Variants in MAP3K5 observed in about 807,000 individuals in gnomAD.
MAP3K5 encodes the protein ASK-1.
MAP3K5 carries 56 observed loss-of-function variants against 158.7 expected under a neutral mutation model. The ratio of observed to expected loss-of-function variants is 0.35; its 90% confidence interval spans 0.28 to 0.44. The LOEUF (loss-of-function observed/expected upper bound fraction) is 0.44. Ranked by LOEUF, MAP3K5 falls within the 20% of genes least tolerant of loss-of-function variation. MAP3K5 has a pLI of 1.00. For missense variants in MAP3K5, 1,294 were observed against 1,674.8 expected (o/e 0.77, Z 3.97); for synonymous variants, 579 against 601.7 (o/e 0.96, Z 0.55).
At chr6:136,561,706 T>C (rs1830522056) in intron 27 of MAP3K5, 61 bp from the exon 28 acceptor site, 1 of 906,632 alleles carries the variant, frequency 1.1e-6, no homozygotes, top group Admixed American at 1.8e-5. Flanking sequence ...TCTGAGACCC[T>C]CACAATCAAC....
chr6:136,719,573 A>C (rs945612353), intron 2 of MAP3K5, among the ~76,000 whole-genome samples: 1 of 152,248 alleles, frequency 6.6e-6, no homozygotes, highest in Non-Finnish European at 1.5e-5. Context: ...ACATGCTTTA[A>C]ATACTCAGAA....
chr6:136,646,983 T>G (rs1778290900), intron 11 of MAP3K5, among the ~76,000 whole-genome samples: 1 of 152,252 alleles, frequency 6.6e-6, no homozygotes, highest in Admixed American at 6.5e-5. Flanking sequence ...CCTTTATCAA[T>G]GCAATCAAAA....
Position 136,614,830 on chromosome 6 carries a change from G to A in MAP3K5, c.2151-544C>T, listed in dbSNP as rs563663150. Among the ~76,000 whole-genome samples the A allele has an allele frequency of 1.4e-4, 22 of 152,204 alleles. No individual in the cohort carries two copies. In the South Asian group the frequency reaches 3.3e-3, roughly 23 times the overall value. ...CATTCCAGAACTTCCTGAAAGGCCC[G>A]TCAATTTTTCAATAGCAAACATAAA... On this transcript the variant is annotated intron_variant, in intron 15 of 29. Transcript: ENST00000359015.
Position 136,698,726 on chromosome 6 carries a change from G to C in MAP3K5, c.613-44C>G, listed in dbSNP as rs371674721. On this transcript the variant is annotated intron_variant, in intron 3 of 29. Coordinates refer to ENST00000359015, the MANE Select transcript of MAP3K5 (RefSeq NM_005923.4). The stretch of plus-strand genomic sequence containing the variant: ...TCGGCAAGTGGGGAGCTGGCCTGGA[G>C]ACACGGCACAGATGGAATCCCACGT... 575 of 1,413,832 alleles carry C rather than the reference G, an allele frequency of 4.1e-4. 5 individuals carry two copies. The South Asian group carries it at 5.1e-3, about 12-fold the overall frequency. 87.6% of individuals were successfully genotyped at this position (1,413,832 alleles called of 1,614,324 possible). A position where few individuals can be genotyped will look rare whatever the true frequency, so the allele number is the denominator to read the frequency against.
intron 1 of MAP3K5, among the ~76,000 whole-genome samples, chr6:136,783,888 C>T (rs1005706116): frequency 9.2e-6 from 1 of 108,248 alleles, no homozygotes; most frequent in Admixed American, 1.1e-4. Flanking sequence ...GCACATTTCC[C>T]GGACTTTGTG....
intron 1 of MAP3K5, among the ~76,000 whole-genome samples, chr6:136,746,996 A>C (rs1301653564): frequency 6.6e-6 from 1 of 152,122 alleles, no homozygotes; most frequent in Non-Finnish European, 1.5e-5. Context: ...ATCATAACTC[A>C]CTGCAGCCTC....
In MAP3K5 at chr6:136,697,321, T is replaced by C; in HGVS notation, c.873A>G (p.Glu291=). ...RKARNLYTGK[E]LAAELARIRQ... ...GAATTCTTGCCAACTCAGCTGCCAA[T>C]TCTTTACCAGTGTATAAATTACGAG... The change falls in exon 5 of 30, where the codon GAA becomes GAG. Residue 291 remains glutamate, a synonymous_variant. Transcript: ENST00000359015. 6.2e-7 allele frequency: 1 copy of C among 1,613,802 alleles called. No individual in the cohort carries two copies. The highest frequency in any genetic ancestry group is 8.5e-7 in the Non-Finnish European group (1 of 1,179,806).
chr6:136,637,605 T>C (rs953511745), intron 13 of MAP3K5, among the ~76,000 whole-genome samples, 199 bp from the exon 14 acceptor site: 1 of 152,106 alleles, frequency 6.6e-6, no homozygotes, highest in African/African-American at 2.4e-5. Context: ...TCTAGAAATT[T>C]CTAACCTAAT....
chr6:136,725,762 C>A (rs1436312203), intron 1 of MAP3K5, among the ~76,000 whole-genome samples: 1 of 152,118 alleles, frequency 6.6e-6, no homozygotes, highest in Non-Finnish European at 1.5e-5. Context: ...TGAAAAAAAT[C>A]TTTGCGTAAC....
chr6:136,709,678 C>T (rs945867743), intron 2 of MAP3K5, among the ~76,000 whole-genome samples: 1 of 152,158 alleles, frequency 6.6e-6, no homozygotes, highest in East Asian at 1.9e-4. Context: ...GAATAATAAC[C>T]CTCTTACATG....
intron 14 of MAP3K5, among the ~76,000 whole-genome samples, chr6:136,636,336 C>G (rs1217364482): frequency 6.6e-6 from 1 of 152,190 alleles, no homozygotes; most frequent in Non-Finnish European, 1.5e-5. Context: ...GCACCCTGAT[C>G]TTGGACTTCC....
chr6:136,650,498 T>C (rs1315444297), intron 11 of MAP3K5, among the ~76,000 whole-genome samples: 3 of 152,252 alleles, frequency 2.0e-5, no homozygotes, highest in Non-Finnish European at 4.4e-5. Context: ...CACCTCACTT[T>C]GTGCACAGCA....
intron 23 of MAP3K5, among the ~76,000 whole-genome samples, chr6:136,585,473 C>CTTTATTTATTTATTTA (rs554195273): frequency 7.4e-6 from 1 of 135,038 alleles, no homozygotes; most frequent in Non-Finnish European, 1.6e-5. Flanking sequence ...CTTTTCTTTT[C>CTTTATTTATTTATTTA]TTTATTTATT....
rs980913826 is a variant in MAP3K5, at chr6:136,628,636, T to A, written c.2017-5655A>T. Among the ~76,000 whole-genome samples the A allele has an allele frequency of 3.6e-4, 55 of 152,322 alleles. 1 individual carries two copies. Among genetic ancestry groups the A allele is most frequent in the African/African-American group, 1.3e-3 (53 of 41,566 alleles). The stretch of plus-strand genomic sequence containing the variant: ...TCTAAGGCATCAGAAGACTATTTTT[T>A]AAAAGATTACGTATTAGATACAGAT... On this transcript the variant is annotated intron_variant, in intron 14 of 29. Transcript: ENST00000359015.
intron 1 of MAP3K5, among the ~76,000 whole-genome samples, chr6:136,750,235 G>A (rs910470837): frequency 1.3e-5 from 2 of 152,082 alleles, no homozygotes; most frequent in African/African-American, 2.4e-5. Context: ...GCACGAGCAC[G>A]CCTGGCTAAT....
intron 1 of MAP3K5, among the ~76,000 whole-genome samples, chr6:136,737,037 G>GTGTGTGTATATATATA (rs759947051): frequency 3.0e-4 from 38 of 126,968 alleles, no homozygotes; most frequent in African/African-American, 1.2e-3. Flanking sequence ...ATATGTGTGT[G>GTGTGTGTATATATATA]TATATATATA....
rs564375827 is a variant in MAP3K5 at position 136,754,933 on chromosome 6, A to G, written c.449-34344T>C. On this transcript the variant is annotated intron_variant, in intron 1 of 29. Coordinates refer to ENST00000359015, the MANE Select transcript of MAP3K5 (RefSeq NM_005923.4). ...CATTATTCTATTCACGCAGTTGCCC[A>G]TTCCAGAAATATGAGGTTGTCGTCT... Among the ~76,000 whole-genome samples the G allele has an allele frequency of 9.2e-5, 14 of 152,236 alleles. No individual in the cohort carries two copies. In the South Asian group the frequency reaches 2.9e-3, roughly 32 times the overall value.
At chr6:136,571,905 C>T (rs1774385642) in intron 25 of MAP3K5, among the ~76,000 whole-genome samples, 1 of 152,172 alleles carries the variant, frequency 6.6e-6, no homozygotes, top group African/African-American at 2.4e-5. Flanking sequence ...TTCTCCATGT[C>T]CTCATGCTTT....
intron 1 of MAP3K5, among the ~76,000 whole-genome samples, chr6:136,759,957 C>T (rs777016980): frequency 1.3e-5 from 2 of 151,794 alleles, no homozygotes; most frequent in African/African-American, 2.4e-5. Context: ...CTCAAGGGAC[C>T]CAGCCCTCTA....
Sources: allele counts gnomAD v4.1 joint callset (sites outside exome capture counted in the v4.1 genomes callset), GRCh38; gene constraint gnomAD v4.1.1; transcripts MANE v1.5; gene names NCBI Gene and HGNC (gene_info 2026-07-23, HGNC 2026-07-21).